Variants in SIRPB1 observed in about 807,000 individuals in gnomAD.
SIRPB1 encodes signal regulatory protein beta 1, also known as signal-regulatory protein beta-1.
A neutral mutation model predicts 34.1 loss-of-function variants in SIRPB1; 28 were observed. The observed-to-expected ratio is 0.82, with a 90% CI of 0.61 to 1.12. The LOEUF is 1.12. Among genes scored for constraint, SIRPB1 ranks in the 50% most tolerant of loss-of-function variants. The probability of loss-of-function intolerance (pLI) is 0.00; values close to 1 mark genes in which losing one functional copy is unlikely to be tolerated. For missense variants in SIRPB1, 499 were observed against 507.0 expected, an observed-to-expected ratio of 0.98 and a Z score of 0.15; for synonymous variants, 211 against 203.8, an observed-to-expected ratio of 1.04 and a Z score of -0.30.
Position 1,571,320 on chromosome 20 carries a change from G to A in SIRPB1, c.752-183C>T, listed in dbSNP as rs369544439. ...GTGAAATTACTAAGCACAGTGCCTG[G>A]CGCACAGTAGGTGCCCAAGGACTGT... On this transcript the variant is annotated intron_variant, in intron 3 of 5. Transcript: ENST00000381605. Among the ~76,000 whole-genome samples the A allele has an allele frequency of 5.1e-4, 78 of 152,330 alleles. No individual in the cohort carries two copies. In the East Asian group the frequency reaches 0.012, roughly 23 times the overall value.
intron 2 of SIRPB1, among the ~76,000 whole-genome samples, chr20:1,572,505 C>T (rs2091257384): frequency 6.6e-6 from 1 of 150,530 alleles, no homozygotes; most frequent in Non-Finnish European, 1.5e-5. Flanking sequence ...GGGCTGACAA[C>T]CCCAGCTCCT....
In SIRPB1 at chr20:1,561,777, G is replaced by A. The variant is rs1163084208; in HGVS notation, c.*3723C>T. Among the ~76,000 whole-genome samples, 1 of 152,138 alleles carries A rather than the reference G, an allele frequency of 6.6e-6. No individual in the cohort carries two copies. Among genetic ancestry groups the A allele is most frequent in the Admixed American group, 6.6e-5 (1 of 15,264 alleles). On this transcript the variant is annotated 3_prime_UTR_variant, in exon 6 of 6. Coordinates refer to ENST00000381605, the MANE Select transcript of SIRPB1 (RefSeq NM_006065.5). ...ATGAACTCTTGATCACCTGGCTGAA[G>A]CTGTATTTGTCAGATTTTTCCACTG...
At chr20:1,605,180 G>T in intron 1 of SIRPB1, 3 of 449,476 alleles carry the variant, frequency 6.7e-6, no homozygotes, top group East Asian at 6.7e-5. Flanking sequence ...AATGTGGAAA[G>T]ATTAATGAGG....
chr20:1,561,703 C>A lies in SIRPB1; in HGVS notation c.*3797G>T, dbSNP rs1164207940. On this transcript the variant is annotated 3_prime_UTR_variant, in exon 6 of 6. Transcript: ENST00000381605. Reference sequence around the variant, plus strand: ...TCTTCATCACATCATATTAAAGGTACATATTAGTGACATGATTTATGATTC... The same window carrying A: ...TCTTCATCACATCATATTAAAGGTAAATATTAGTGACATGATTTATGATTC... 6.6e-6 allele frequency among the ~76,000 whole-genome samples: 1 copy of A among 152,132 alleles called. No homozygotes were observed. The highest frequency in any genetic ancestry group is 2.4e-5 in the African/African-American group (1 of 41,416).
chr20:1,562,763 T>G lies in SIRPB1; in HGVS notation c.*2737A>C, dbSNP rs2263664. Among the ~76,000 whole-genome samples the G allele has an allele frequency of 0.8, 122,219 of 152,160 alleles. 49,416 individuals are homozygous for G. The highest frequency in any genetic ancestry group is 0.91 in the Middle Eastern group (268 of 294). On this transcript the variant is annotated 3_prime_UTR_variant, in exon 6 of 6. Coordinates refer to ENST00000381605, the MANE Select transcript of SIRPB1 (RefSeq NM_006065.5). The stretch of plus-strand genomic sequence containing the variant: ...ATGGCTCTCCTACTCAAACAGCAAA[T>G]CCTATAGTTGGGTTGCCTCCTTGCC...
At chr20:1,566,100 G>T in intron 5 of SIRPB1, 53 bp downstream of exon 5, 1 of 1,174,732 alleles carries the variant, frequency 8.5e-7, no homozygotes, top group Non-Finnish European at 1.2e-6. Context: ...CCCTCCTGCT[G>T]GCCTTGCCTT....
Position 1,588,443 on chromosome 20 carries a change from C to A in SIRPB1, c.77-9749G>T, listed in dbSNP as rs2122252840. On this transcript the variant is annotated intron_variant, in intron 1 of 5. Coordinates refer to ENST00000381605, the MANE Select transcript of SIRPB1 (RefSeq NM_006065.5). ...AGCTCCATGATGTCCTGCTCTTAGG[C>A]CCCATCTCTGGCCTTCCTTGGCAGC... is the stretch of plus-strand genomic sequence containing the variant. 2 of 289,530 alleles carry A rather than the reference C, an allele frequency of 6.9e-6. 1 individual carries two copies. Among genetic ancestry groups the A allele is most frequent in the East Asian group, 1.8e-4 (2 of 11,140 alleles). The allele number at this position is 289,530 out of a possible 1,614,324, so 17.9% of individuals were successfully genotyped here. A position where few individuals can be genotyped will look rare whatever the true frequency, so the allele number is the denominator to read the frequency against.
rs886182833 is a variant in SIRPB1, at chr20:1,592,109, C to G, written c.77-13415G>C. 1.8e-4 allele frequency among the ~76,000 whole-genome samples: 9 copies of G among 49,600 alleles called. 4 individuals carry two copies. Among genetic ancestry groups the G allele is most frequent in the Non-Finnish European group, 3.5e-4 (9 of 25,630 alleles). The allele number at this position is 49,600 out of a possible 152,430, so 32.5% of individuals were successfully genotyped here. ...GTTTCCTCAGGCCTCCCCAGCCATG[C>G]AGAACTGTGAGTCAATTACACCTCT... On this transcript the variant is annotated intron_variant, in intron 1 of 5. Transcript: ENST00000381605.
Position 1,604,356 on chromosome 20 carries a change from T to C in SIRPB1, c.76+15513A>G, listed in dbSNP as rs1421387301. 4.2e-5 allele frequency among the ~76,000 whole-genome samples: 2 copies of C among 47,710 alleles called. 1 individual carries two copies. The highest frequency in any genetic ancestry group is 7.9e-5 in the Non-Finnish European group (2 of 25,232). The allele number at this position is 47,710 out of a possible 152,430, so 31.3% of individuals were successfully genotyped here. A position where few individuals can be genotyped will look rare whatever the true frequency, so the allele number is the denominator to read the frequency against. On this transcript the variant is annotated intron_variant, in intron 1 of 5. Transcript: ENST00000381605. The stretch of plus-strand genomic sequence containing the variant: ...TAGGTGCTCAAGGACTGGTAGCTCC[T>C]ACTAGGCTAAGAATGAGGGAAATCT...
At chr20:1,583,605 C>G (rs1433637162) in intron 1 of SIRPB1, among the ~76,000 whole-genome samples, 1 of 47,834 alleles carries the variant, frequency 2.1e-5, no homozygotes, top group Non-Finnish European at 4.0e-5. Context: ...CTCAACCCTA[C>G]CATTAATGGA....
In SIRPB1 at chr20:1,571,963, C is replaced by T. The variant is rs186440949; in HGVS notation, c.508G>A (p.Glu170Lys). 15 of 1,614,092 alleles carry T rather than the reference C, an allele frequency of 9.3e-6. 1 individual carries two copies. Among genetic ancestry groups the T allele is most frequent in the South Asian group, 2.2e-5 (2 of 91,086 alleles). ...TPEHTVSFTC[E>K]SHGFSPRDIT... ...TCTCTGGGAGAGAAGCCATGGGACT[C>T]GCAGGTGAAGCTCACTGTGTGCTCA... Residue 170 changes from glutamate (E) to lysine (K), a missense_variant, in exon 3 of 6, where the codon GAG (glutamate) becomes AAG (lysine). Transcript: ENST00000381605.
rs751874364 is a variant in SIRPB1 at position 1,619,936 on chromosome 20, CACGGGCATT to C, written c.-1_8del. 6.2e-7 allele frequency: 1 copy of C among 1,613,670 alleles called. No individual in the cohort carries two copies. Among genetic ancestry groups the C allele is most frequent in the South Asian group, 1.1e-5 (1 of 91,068 alleles). The stretch of plus-strand genomic sequence containing the variant: ...TAGGAAGGTGGGGCCAGGAGGCTGG[CACGGGCATT>C]CTGGAGACCTTAGGAGCCTGCTCTG... On this transcript the variant is annotated start_lost and 5_prime_UTR_variant, in exon 1 of 6. Transcript: ENST00000381605.
intron 1 of SIRPB1, among the ~76,000 whole-genome samples, chr20:1,589,683 A>G (rs1445459119): frequency 2.1e-5 from 1 of 48,376 alleles, no homozygotes; most frequent in Admixed American, 1.4e-4. Flanking sequence ...AAGAGCGGGA[A>G]CTCGAGTGGT....
Position 1,578,475 on chromosome 20 carries a change from T to C in SIRPB1, c.296A>G (p.Asn99Ser). ...VTTVSELTKR[N>S]NLDFSISISN... ...GATGCTGATGGAAAAGTCCAGGTTGTTTCTCTTTGTGAGTTCTGAAACAGT... is the reference window on the plus strand; with the variant it reads ...GATGCTGATGGAAAAGTCCAGGTTGCTTCTCTTTGTGAGTTCTGAAACAGT... The change falls in exon 2 of 6, where the codon AAC becomes AGC. Residue 99 changes from asparagine to serine, a missense_variant. Coordinates refer to ENST00000381605, the MANE Select transcript of SIRPB1 (RefSeq NM_006065.5). The C allele has an allele frequency of 6.3e-7, 1 of 1,584,026 alleles. No homozygotes were observed.
rs1254585968 is a variant in SIRPB1, at chr20:1,613,142, C to T, written c.76+6727G>A. On this transcript the variant is annotated intron_variant, in intron 1 of 5. Coordinates refer to ENST00000381605, the MANE Select transcript of SIRPB1 (RefSeq NM_006065.5). ...TTCACTACGTATATGTATATGTGTA[C>T]GTATATGAAAGCATCATGTTTTACA... Among the ~76,000 whole-genome samples, 9 of 73,002 alleles carry T rather than the reference C, an allele frequency of 1.2e-4. 3 individuals carry two copies. The highest frequency in any genetic ancestry group is 6.8e-4 in the African/African-American group (8 of 11,768). 47.9% of individuals were successfully genotyped at this position (73,002 alleles called of 152,430 possible). A position where few individuals can be genotyped will look rare whatever the true frequency, so the allele number is the denominator to read the frequency against.
rs188677591 is a variant in SIRPB1 at position 1,578,562 on chromosome 20, C to T, written c.209G>A (p.Gly70Glu). The T allele has an allele frequency of 1.9e-6, 3 of 1,584,136 alleles. No individual in the cohort carries two copies. In the Admixed American group the frequency reaches 5.1e-5, roughly 27 times the overall value. ...GATTAATTCCCGGCCTGCTCCAGCT[C>T]CTCTAAACCACATGATGGGCCCCAC... is the stretch of plus-strand genomic sequence containing the variant. ...IPVGPIMWFR[G>E]AGAGRELIYN... The change falls in exon 2 of 6, where the codon GGA becomes GAA. Residue 70 changes from glycine (G) to glutamate (E), a missense_variant. By Grantham distance (98) the Gly-to-Glu change is moderately conservative (BLOSUM62 -2). Coordinates refer to ENST00000381605, the MANE Select transcript of SIRPB1 (RefSeq NM_006065.5).
chr20:1,619,484 G>C (rs1263662549), intron 1 of SIRPB1, among the ~76,000 whole-genome samples: 2 of 152,214 alleles, frequency 1.3e-5, no homozygotes, highest in Non-Finnish European at 2.9e-5. Flanking sequence ...TTGGTGAAGA[G>C]AGAGGGCTGG....
At position 1,582,255 on chromosome 20, in the gene SIRPB1, A is replaced by G. The variant is rs1019079291; in HGVS notation, c.77-3561T>C. 8.2e-5 allele frequency among the ~76,000 whole-genome samples: 4 copies of G among 48,862 alleles called. 2 individuals carry two copies. The highest frequency in any genetic ancestry group is 5.4e-4 in the African/African-American group (4 of 7,394). The allele number at this position is 48,862 out of a possible 152,430, so 32.1% of individuals were successfully genotyped here. A position where few individuals can be genotyped will look rare whatever the true frequency, so the allele number is the denominator to read the frequency against. ...GCAAAAATAATGCTCTTTATGGCCT[A>G]CGCTGTACTCCATTAAAACAACTGA... On this transcript the variant is annotated intron_variant, in intron 1 of 5. Transcript: ENST00000381605.
At chr20:1,579,917 G>A (rs746522715) in intron 1 of SIRPB1, among the ~76,000 whole-genome samples, 3 of 148,120 alleles carry the variant, frequency 2.0e-5, no homozygotes, top group Non-Finnish European at 3.0e-5. Flanking sequence ...TCCAGAGAAT[G>A]AATGTGCAAT....
Sources: gnomAD v4.1 joint callset for allele counts (sites outside exome capture counted in the v4.1 genomes callset) on GRCh38, gnomAD v4.1.1 for gene constraint, MANE v1.5 for transcripts, NCBI Gene and HGNC (gene_info 2026-07-23, HGNC 2026-07-21) for gene names.